Variants in CALN1 observed in about 807,000 individuals in gnomAD.
CALN1 encodes the protein calcium-binding protein 8.
In CALN1, 17 loss-of-function variants were observed where a neutral mutation model predicts 30.6. The observed-to-expected ratio is 0.56, with a 90% confidence interval of 0.38 to 0.83. CALN1 has a LOEUF of 0.83. Among genes scored for constraint, CALN1 ranks in the 40% least tolerant of loss-of-function variants. The pLI is 0.00. For missense variants in CALN1, 291 were observed against 354.9 expected (o/e 0.82, Z 1.45); for synonymous variants, 156 against 131.4 (o/e 1.19, Z -1.28).
chr7:71,857,012 ATGTATGTGTG>A (rs1181528127), intron 5 of CALN1, among the ~76,000 whole-genome samples: 7 of 123,054 alleles, frequency 5.7e-5, no homozygotes, highest in African/African-American at 1.5e-4. Context: ...TGGTGTGTAT[ATGTATGTGTG>A]TGTGTGTGTG....
chr7:71,861,343 T>C (rs770848460), intron 5 of CALN1, among the ~76,000 whole-genome samples: 5 of 152,188 alleles, frequency 3.3e-5, no homozygotes, highest in Non-Finnish European at 7.4e-5. Flanking sequence ...CATTTTGAAT[T>C]GGTCTCTTCA....
At chr7:71,964,094 G>A (rs186769883) in intron 5 of CALN1, among the ~76,000 whole-genome samples, 156 of 152,322 alleles carry the variant, frequency 1.0e-3, no homozygotes, top group Non-Finnish European at 1.7e-3. Flanking sequence ...ATGTACATCT[G>A]AACTGTTGCT....
intron 3 of CALN1, among the ~76,000 whole-genome samples, chr7:72,201,884 G>A (rs1257044013): frequency 2.0e-5 from 3 of 152,162 alleles, no homozygotes; most frequent in Admixed American, 6.5e-5. Context: ...AGAAGACGCA[G>A]CCTGGAGCAA....
intron 5 of CALN1, among the ~76,000 whole-genome samples, chr7:71,962,701 G>A (rs1348565378): frequency 6.6e-6 from 1 of 152,178 alleles, no homozygotes; most frequent in Admixed American, 6.5e-5. Context: ...GTGAGGAGAA[G>A]ATTTCTCTTC....
the CALN1 span, among the ~76,000 whole-genome samples, chr7:72,497,396 C>T: frequency 2.8e-4 from 42 of 152,032 alleles, no homozygotes; most frequent in Admixed American, 8.5e-4. Context: ...GCTGAGATCA[C>T]GCCACTGCAC....
chr7:71,844,774 ATCT>A (rs1195260880), intron 5 of CALN1, among the ~76,000 whole-genome samples: 4 of 152,238 alleles, frequency 2.6e-5, no homozygotes, highest in African/African-American at 7.2e-5. Context: ...AAGAAATCAC[ATCT>A]TCTACCAAAT....
At chr7:71,826,438 T>C (rs1200503175) in intron 5 of CALN1, among the ~76,000 whole-genome samples, 2 of 152,194 alleles carry the variant, frequency 1.3e-5, no homozygotes, top group African/African-American at 4.8e-5. Flanking sequence ...CTTTGCTCTC[T>C]GAAAAAGAGC....
intron 5 of CALN1, among the ~76,000 whole-genome samples, chr7:71,941,902 T>C (rs1045843973): frequency 6.6e-6 from 1 of 152,000 alleles, no homozygotes; most frequent in Non-Finnish European, 1.5e-5. Context: ...ATTAGGGACA[T>C]AAAAAAGTCA....
At chr7:72,080,850 T>A (rs1302197731) in intron 4 of CALN1, among the ~76,000 whole-genome samples, 1 of 152,108 alleles carries the variant, frequency 6.6e-6, no homozygotes, top group Admixed American at 6.6e-5. Context: ...TCAACAGGTT[T>A]GAGATCGTGT....
chr7:72,042,484 G>A (rs1802189807), intron 4 of CALN1, among the ~76,000 whole-genome samples: 1 of 152,158 alleles, frequency 6.6e-6, no homozygotes, highest in Non-Finnish European at 1.5e-5. Context: ...CTGCTCACCA[G>A]GAAAGTTCAT....
At position 71,921,082 on chromosome 7, in the gene CALN1, G is replaced by A. The variant is rs146035835; in HGVS notation, c.501+102575C>T. On this transcript the variant is annotated intron_variant, in intron 5 of 6. Coordinates refer to ENST00000395275, the MANE Select transcript of CALN1 (RefSeq NM_031468.4). ...GATATGGATGAAGCTGGAAACCATC[G>A]TTCTAGCAAACCAACACAAGAACAG... is the stretch of plus-strand genomic sequence containing the variant. Among the ~76,000 whole-genome samples, 109 of 152,190 alleles carry A rather than the reference G, an allele frequency of 7.2e-4. No individual in the cohort carries two copies. In the East Asian group the frequency reaches 0.017, roughly 24 times the overall value.
chr7:72,235,275 A>AAAATAAATAAAT (rs151162451), intron 3 of CALN1, among the ~76,000 whole-genome samples: 18 of 151,658 alleles, frequency 1.2e-4, no homozygotes, highest in African/African-American at 4.1e-4. Context: ...CTCTGTCTCA[A>AAAATAAATAAAT]AAATAAATAA....
At chr7:72,462,331 G>A in the CALN1 span, among the ~76,000 whole-genome samples, 1,487 of 152,174 alleles carry the variant, frequency 9.8e-3, 29 homozygotes, top group African/African-American at 0.034. Context: ...GACTACAGGT[G>A]TGCACACCAT....
In CALN1 at chr7:72,115,303, C is replaced by T. The variant is rs150918142; in HGVS notation, c.245-9009G>A. On this transcript the variant is annotated intron_variant, in intron 3 of 6. Coordinates refer to ENST00000395275, the MANE Select transcript of CALN1 (RefSeq NM_031468.4). ...AGATGGAGGGGTGGATACACTGCTGCTTTGTATAACTCACTTTTTAGCACC... is the reference window on the plus strand; with the variant it reads ...AGATGGAGGGGTGGATACACTGCTGTTTTGTATAACTCACTTTTTAGCACC... 5.3e-3 allele frequency among the ~76,000 whole-genome samples: 776 copies of T among 147,498 alleles called. 5 individuals are homozygous for T. Among genetic ancestry groups the T allele is most frequent in the African/African-American group, 0.019 (754 of 40,356 alleles).
the CALN1 span, among the ~76,000 whole-genome samples, chr7:72,489,117 A>G: frequency 6.6e-6 from 1 of 152,288 alleles, no homozygotes; most frequent in African/African-American, 2.4e-5. Flanking sequence ...CATGTGAAGA[A>G]GTATTGAAAC....
chr7:72,156,896 G>A (rs1355280688), intron 3 of CALN1, among the ~76,000 whole-genome samples: 1 of 152,142 alleles, frequency 6.6e-6, no homozygotes, highest in Non-Finnish European at 1.5e-5. Flanking sequence ...AGCACTTCAT[G>A]CACTTGTAAG....
At chr7:72,437,679 T>C (rs58562446) in intron 1 of CALN1, among the ~76,000 whole-genome samples, 33 of 41,310 alleles carry the variant, frequency 8.0e-4, no homozygotes, top group Admixed American at 1.5e-3. Flanking sequence ...TCTTTCCTTT[T>C]TTCTTTCCTT....
At chr7:72,219,482 A>C (rs1174813625) in intron 3 of CALN1, among the ~76,000 whole-genome samples, 1 of 152,074 alleles carries the variant, frequency 6.6e-6, no homozygotes, top group Non-Finnish European at 1.5e-5. Flanking sequence ...CTCCTGCCCC[A>C]GCCTCTCAAA....
At chr7:71,902,837 A>G (rs774474029) in intron 5 of CALN1, among the ~76,000 whole-genome samples, 7 of 152,068 alleles carry the variant, frequency 4.6e-5, no homozygotes, top group Non-Finnish European at 7.4e-5. Context: ...TGACAGCCAT[A>G]TGGGTGGAAC....
Sources: allele counts gnomAD v4.1 joint callset (sites outside exome capture counted in the v4.1 genomes callset), GRCh38; gene constraint gnomAD v4.1.1; transcripts MANE v1.5; gene names NCBI Gene and HGNC (gene_info 2026-07-23, HGNC 2026-07-21).